Variants in KCNQ1 observed in about 807,000 individuals in gnomAD.
KCNQ1 encodes the protein potassium voltage-gated channel subfamily Q member 1, also known as potassium voltage-gated channel subfamily KQT member 1.
Under a neutral mutation model 72.4 loss-of-function variants are expected in KCNQ1, and 49 were observed. The observed-to-expected ratio is 0.68, with a 90% CI of 0.54 to 0.86. The LOEUF is 0.86. KCNQ1 is among the 40% of genes least tolerant of loss of function. KCNQ1 has a pLI of 0.00. For synonymous variants in KCNQ1, 450 were observed against 412.6 expected, an observed-to-expected ratio of 1.09 and a Z score of -1.10; for missense variants, 790 against 945.1, an observed-to-expected ratio of 0.84 and a Z score of 2.15.
chr11:2,774,925 C>T (rs1333145273), intron 12 of KCNQ1, among the ~76,000 whole-genome samples: 1 of 152,188 alleles, frequency 6.6e-6, no homozygotes, highest in Non-Finnish European at 1.5e-5. Flanking sequence ...TTGGGCTGGC[C>T]CTGCCCCACC....
chr11:2,619,450 G>C (rs572529238), intron 10 of KCNQ1: 17 of 398,394 alleles, frequency 4.3e-5, no homozygotes, highest in Non-Finnish European at 7.1e-5. Context: ...TCATCTTTCA[G>C]TCTGTTAGTA....
At position 2,642,267 on chromosome 11, in the gene KCNQ1, T is replaced by G; in HGVS notation, c.1394-19694T>G. On this transcript the variant is annotated intron_variant, in intron 10 of 15. Coordinates refer to ENST00000155840, the MANE Select transcript of KCNQ1 (RefSeq NM_000218.3). The surrounding 1 kb of genome is among the most constrained non-coding windows in gnomAD (Gnocchi z 4.3). ...ATCCATGAGAATGGGATGTTTTTTG[T>G]GTGTTCTTTTCAATTTCTTTCATCA... is the stretch of plus-strand genomic sequence containing the variant. 7.5e-6 allele frequency: 3 copies of G among 398,340 alleles called. No homozygotes were observed. Among genetic ancestry groups the G allele is most frequent in the Non-Finnish European group, 1.3e-5 (3 of 225,872 alleles). The allele number at this position is 398,340 out of a possible 1,614,324, so 24.7% of individuals were successfully genotyped here.
chr11:2,553,606 G>C (rs554254623), intron 2 of KCNQ1, among the ~76,000 whole-genome samples: 3 of 152,128 alleles, frequency 2.0e-5, no homozygotes, highest in Non-Finnish European at 2.9e-5. Flanking sequence ...CTTTCAAATA[G>C]CAAAGCAAAC....
At chr11:2,633,438 T>C in intron 10 of KCNQ1, 1 of 398,608 alleles carries the variant, frequency 2.5e-6, no homozygotes, top group Non-Finnish European at 4.4e-6. Context: ...ACCCATAAAA[T>C]CTTCGCTAGA....
At position 2,782,486 on chromosome 11, in the gene KCNQ1, CT is replaced by C. The variant is rs1231728149; in HGVS notation, c.1794+4453del. Among the ~76,000 whole-genome samples, 5 of 152,174 alleles carry C rather than the reference CT, an allele frequency of 3.3e-5. No individual in the cohort carries two copies. The highest frequency in any genetic ancestry group is 7.3e-5 in the Non-Finnish European group (5 of 68,042). On this transcript the variant is annotated intron_variant, in intron 15 of 15. Coordinates refer to ENST00000155840, the MANE Select transcript of KCNQ1 (RefSeq NM_000218.3). This position sits in a 1 kb window ranked among gnomAD's most constrained non-coding sequence, Gnocchi z 6.1. ...CAGACTAACTTAAGAAGTGTTCCCT[CT>C]TTTCCTATATTGGGATATTTTGTAT...
At chr11:2,560,795 C>T (rs1328233426) in intron 2 of KCNQ1, among the ~76,000 whole-genome samples, 1 of 151,960 alleles carries the variant, frequency 6.6e-6, no homozygotes, top group East Asian at 1.9e-4. Context: ...AAGGCGGGCC[C>T]CTGACTTTAG....
chr11:2,741,062 T>TG (rs1352810409), intron 11 of KCNQ1, among the ~76,000 whole-genome samples: 1 of 151,674 alleles, frequency 6.6e-6, no homozygotes, highest in Non-Finnish European at 1.5e-5. Context: ...CGCCCTGGGG[T>TG]GGGGGGTGTT....
At chr11:2,649,947 G>A (rs1849732004) in intron 10 of KCNQ1, 1 of 398,298 alleles carries the variant, frequency 2.5e-6, no homozygotes, top group Admixed American at 4.4e-5. Context: ...TAGCTTAATA[G>A]TGTCTCATAT....
chr11:2,847,029 T>C (rs12419347), intron 15 of KCNQ1, among the ~76,000 whole-genome samples: 60,618 of 152,098 alleles, frequency 0.4, 12,940 homozygotes, highest in East Asian at 0.85. Context: ...GCAGATGGTG[T>C]CTGGGAAAAT....
chr11:2,636,793 C>T lies in KCNQ1; in HGVS notation c.1394-25168C>T, dbSNP rs1277194948. On this transcript the variant is annotated intron_variant, in intron 10 of 15. Transcript: ENST00000155840. The stretch of plus-strand genomic sequence containing the variant: ...TCCTCCTTGTACCTCTGGTAGAATT[C>T]GGCTGTGAATCCGTCTGGTCCTGGA... The T allele has an allele frequency of 4.6e-5, 7 of 152,250 alleles. No individual in the cohort carries two copies. The East Asian group carries it at 5.8e-4, about 13-fold the overall frequency. The allele number at this position is 152,250 out of a possible 1,614,324, so 9.4% of individuals were successfully genotyped here.
In KCNQ1 at chr11:2,496,874, G is replaced by C. The variant is rs200821444; in HGVS notation, c.387-31054G>C. ...TCCTTCAGGAGCTCTTGTAAGGCAAGCCTCAGCATTTGCTTGTTTGGAAAG... is the reference window on the plus strand; with the variant it reads ...TCCTTCAGGAGCTCTTGTAAGGCAACCCTCAGCATTTGCTTGTTTGGAAAG... On this transcript the variant is annotated intron_variant, in intron 1 of 15. Coordinates refer to ENST00000155840, the MANE Select transcript of KCNQ1 (RefSeq NM_000218.3). Among the ~76,000 whole-genome samples, 10 of 151,876 alleles carry C rather than the reference G, an allele frequency of 6.6e-5. No homozygotes were observed. The East Asian group carries it at 1.9e-3, about 29-fold the overall frequency.
Position 2,671,717 on chromosome 11 carries a change from T to C in KCNQ1, c.1514+9636T>C. The C allele has an allele frequency of 2.5e-6, 1 of 398,688 alleles. No homozygotes were observed. Among genetic ancestry groups the C allele is most frequent in the Non-Finnish European group, 4.4e-6 (1 of 226,132 alleles). 24.7% of individuals were successfully genotyped at this position (398,688 alleles called of 1,614,324 possible). A position where few individuals can be genotyped will look rare whatever the true frequency, so the allele number is the denominator to read the frequency against. ...AGAGGGTACTTGGGAAGTAGGGTGG[T>C]AGGCAAGGCTTTTCAGAGAACAAGG... On this transcript the variant is annotated intron_variant, in intron 11 of 15. Transcript: ENST00000155840. The surrounding 1 kb of genome is among the most constrained non-coding windows in gnomAD (Gnocchi z 4.7).
At position 2,600,643 on chromosome 11, in the gene KCNQ1, T is replaced by C. The variant is rs916130393; in HGVS notation, c.1393+11789T>C. Among the ~76,000 whole-genome samples the C allele has an allele frequency of 6.6e-6, 1 of 152,236 alleles. No individual in the cohort carries two copies. ...ACATCAATATAATACTTGGACCTAA[T>C]TTAATGCCTATGTTCCCATTTTGTC... On this transcript the variant is annotated intron_variant, in intron 10 of 15. Transcript: ENST00000155840. This position sits in a 1 kb window ranked among gnomAD's most constrained non-coding sequence, Gnocchi z 5.6.
intron 1 of KCNQ1, among the ~76,000 whole-genome samples, chr11:2,465,049 G>T (rs371968355): frequency 1.3e-5 from 2 of 152,186 alleles, no homozygotes; most frequent in Non-Finnish European, 2.9e-5. Context: ...ATGGGTAACG[G>T]CCGCTCCTTC....
intron 7 of KCNQ1, among the ~76,000 whole-genome samples, chr11:2,584,560 T>TG (rs1554894653): frequency 7.2e-6 from 1 of 138,102 alleles, no homozygotes; most frequent in African/African-American, 3.0e-5. Flanking sequence ...TTAGTGTGTA[T>TG]TTGTGTGTGT....
rs1397239658 is a variant in KCNQ1, at chr11:2,599,634, G to A, written c.1393+10780G>A. 2.6e-5 allele frequency among the ~76,000 whole-genome samples: 4 copies of A among 152,238 alleles called. No homozygotes were observed. Among genetic ancestry groups the A allele is most frequent in the Non-Finnish European group, 5.9e-5 (4 of 68,046 alleles). ...TTTCTCACAATTCTGGAGGATAGAA[G>A]TCTGAGATCAAGGTGTCAGCAAGGC... On this transcript the variant is annotated intron_variant, in intron 10 of 15. Transcript: ENST00000155840. The surrounding 1 kb of genome is among the most constrained non-coding windows in gnomAD (Gnocchi z 4.7).
chr11:2,777,609 A>C, intron 14 of KCNQ1: 1 of 435,372 alleles, frequency 2.3e-6, no homozygotes, highest in Non-Finnish European at 3.9e-6. Flanking sequence ...GGGCTGGTGT[A>C]ACGGAGCAGC....
At chr11:2,460,313 T>C (rs1403256722) in intron 1 of KCNQ1, among the ~76,000 whole-genome samples, 3 of 152,222 alleles carry the variant, frequency 2.0e-5, no homozygotes. Context: ...GGACAGATAC[T>C]GCGCCCATAT....
chr11:2,806,376 C>T lies in KCNQ1; in HGVS notation c.1794+28339C>T, dbSNP rs3892791. Among the ~76,000 whole-genome samples, 1,209 of 152,276 alleles carry T rather than the reference C, an allele frequency of 7.9e-3. 46 individuals are homozygous for T. The highest frequency in any genetic ancestry group is 6.1e-3 in the Admixed American group (94 of 15,308). On this transcript the variant is annotated intron_variant, in intron 15 of 15. Coordinates refer to ENST00000155840, the MANE Select transcript of KCNQ1 (RefSeq NM_000218.3). ...TCCCTGCTGAGGACGCTAGCCCCTCCGTAATTTGTCTGTCCTTCCCAGCCT... is the reference window on the plus strand; with the variant it reads ...TCCCTGCTGAGGACGCTAGCCCCTCTGTAATTTGTCTGTCCTTCCCAGCCT...
Sources: allele counts gnomAD v4.1 joint callset (sites outside exome capture counted in the v4.1 genomes callset), GRCh38; gene constraint gnomAD v4.1.1; non-coding constraint Gnocchi (gnomAD v3.1); transcripts MANE v1.5; gene names NCBI Gene and HGNC (gene_info 2026-07-23, HGNC 2026-07-21).